WDR70: variants seen among roughly 807,000 people sequenced by gnomAD.
The protein encoded by WDR70 is WD repeat-containing protein 70.
A neutral mutation model predicts 88.6 loss-of-function variants in WDR70; 53 were observed. That is an observed-to-expected ratio of 0.60 (90% CI 0.48 to 0.75). The LOEUF (loss-of-function observed/expected upper bound fraction) is 0.75. WDR70 is among the 30% of genes least tolerant of loss of function. The pLI is 0.00. For missense variants in WDR70, 610 were observed against 823.2 expected, an observed-to-expected ratio of 0.74 and a Z score of 3.17; for synonymous variants, 280 against 270.0, an observed-to-expected ratio of 1.04 and a Z score of -0.36.
intron 5 of WDR70, among the ~76,000 whole-genome samples, chr5:37,396,868 T>TAC (rs1281603309): frequency 6.6e-6 from 1 of 152,130 alleles, no homozygotes; most frequent in Non-Finnish European, 1.5e-5. Context: ...AAAAGGCCGG[T>TAC]ACAGTGGCTC....
intron 9 of WDR70, among the ~76,000 whole-genome samples, chr5:37,557,901 A>ATACTCTTTTGAATCCTCTTCAAAAGAG (rs1561900701): frequency 3.2e-5 from 1 of 30,806 alleles, no homozygotes; most frequent in Non-Finnish European, 6.7e-5. Context: ...CTTCAGATTT[A>ATACTCTTTTGAATCCTCTTCAAAAGAG]TACTCTTTTG....
chr5:37,521,934 T>C (rs1741106054), intron 9 of WDR70, among the ~76,000 whole-genome samples: 1 of 152,216 alleles, frequency 6.6e-6, no homozygotes, highest in Admixed American at 6.5e-5. Flanking sequence ...TTTTAGTTCT[T>C]TAAGTAATCT....
chr5:37,626,190 G>C (rs190963678), intron 10 of WDR70, among the ~76,000 whole-genome samples: 90 of 152,170 alleles, frequency 5.9e-4, no homozygotes, highest in South Asian at 1.2e-3. Context: ...GGGAGTCTTT[G>C]TCTTGTTCTA....
chr5:37,574,031 G>A (rs180982207), intron 9 of WDR70, among the ~76,000 whole-genome samples: 34 of 152,292 alleles, frequency 2.2e-4, no homozygotes, highest in African/African-American at 7.9e-4. Context: ...TACAAGAGGA[G>A]CAAAGCAAGA....
chr5:37,485,479 G>A (rs1015110195), intron 8 of WDR70, among the ~76,000 whole-genome samples: 3 of 152,004 alleles, frequency 2.0e-5, no homozygotes, highest in Admixed American at 6.6e-5. Flanking sequence ...TGTACTGTTT[G>A]TTGGTTGTTT....
intron 7 of WDR70, among the ~76,000 whole-genome samples, chr5:37,461,544 C>T (rs563285103): frequency 1.3e-5 from 2 of 152,050 alleles, no homozygotes; most frequent in Admixed American, 1.3e-4. Flanking sequence ...AGTGCAGTGG[C>T]GCCATCTCCG....
At chr5:37,557,228 A>T (rs1037023564) in intron 9 of WDR70, among the ~76,000 whole-genome samples, 5 of 129,288 alleles carry the variant, frequency 3.9e-5, no homozygotes, top group African/African-American at 1.9e-4. Flanking sequence ...TCATTTAAAA[A>T]AATGAAAAAA....
chr5:37,712,491 C>A (rs1747542032), intron 13 of WDR70, among the ~76,000 whole-genome samples: 1 of 152,092 alleles, frequency 6.6e-6, no homozygotes, highest in Non-Finnish European at 1.5e-5. Context: ...GGTTGTTACA[C>A]TGTTAATGAA....
intron 9 of WDR70, among the ~76,000 whole-genome samples, chr5:37,594,655 G>GT (rs1209377339): frequency 1.8e-4 from 28 of 151,368 alleles, no homozygotes; most frequent in Admixed American, 7.9e-4. Context: ...ATAAACTTTA[G>GT]TTTTTTCCAA....
chr5:37,563,559 ACCCC>A (rs1375432573), intron 9 of WDR70, among the ~76,000 whole-genome samples: 2 of 31,362 alleles, frequency 6.4e-5, no homozygotes, highest in African/African-American at 1.1e-4. Context: ...CGGGGGGCTG[ACCCC>A]CCCCCACCTC....
intron 10 of WDR70, among the ~76,000 whole-genome samples, chr5:37,684,582 C>T (rs768610028): frequency 3.3e-5 from 5 of 152,218 alleles, no homozygotes; most frequent in Non-Finnish European, 4.4e-5. Context: ...CTCCCACTCC[C>T]GACTCCCGGA....
Position 37,407,246 on chromosome 5 carries a change from G to A in WDR70, c.492+10676G>A, listed in dbSNP as rs140447931. Among the ~76,000 whole-genome samples, 718 of 152,222 alleles carry A rather than the reference G, an allele frequency of 4.7e-3. 3 individuals carry two copies. The highest frequency in any genetic ancestry group is 0.016 in the African/African-American group (655 of 41,532). The stretch of plus-strand genomic sequence containing the variant: ...ACATAACATTTAAGTAAGTCAGGCC[G>A]GTGTAGTGTTTACACCTGTAATCCC... On this transcript the variant is annotated intron_variant, in intron 5 of 17. Transcript: ENST00000265107.
intron 10 of WDR70, among the ~76,000 whole-genome samples, chr5:37,620,399 C>G (rs1391252102): frequency 6.6e-6 from 1 of 152,028 alleles, no homozygotes; most frequent in East Asian, 1.9e-4. Context: ...AGGTAGTAAC[C>G]CTGTTTTATT....
At chr5:37,587,045 T>C (rs1032081579) in intron 9 of WDR70, among the ~76,000 whole-genome samples, 2 of 152,190 alleles carry the variant, frequency 1.3e-5, no homozygotes, top group Admixed American at 6.5e-5. Context: ...TCACTTTCCC[T>C]GTTCCATTGC....
intron 10 of WDR70, among the ~76,000 whole-genome samples, chr5:37,676,948 C>T (rs1407995093): frequency 6.6e-6 from 1 of 152,102 alleles, no homozygotes; most frequent in East Asian, 1.9e-4. Context: ...CAGCTTCTTC[C>T]TGGTTTAGTC....
intron 17 of WDR70, among the ~76,000 whole-genome samples, chr5:37,743,761 T>C (rs762437038): frequency 6.6e-6 from 1 of 152,170 alleles, no homozygotes; most frequent in South Asian, 2.1e-4. Flanking sequence ...AGGGACAGAA[T>C]TGGGATCTCC....
At chr5:37,579,851 A>G (rs1023547303) in intron 9 of WDR70, among the ~76,000 whole-genome samples, 1 of 151,740 alleles carries the variant, frequency 6.6e-6, no homozygotes, top group Admixed American at 6.6e-5. Flanking sequence ...GATCATTTCC[A>G]CCTTCTCTTC....
At chr5:37,418,190 T>C (rs1415533188) in intron 5 of WDR70, among the ~76,000 whole-genome samples, 1 of 151,414 alleles carries the variant, frequency 6.6e-6, no homozygotes, top group East Asian at 1.9e-4. Flanking sequence ...TGTTATGACT[T>C]AAATTTTGAA....
chr5:37,592,484 G>T (rs1437627179), intron 9 of WDR70, among the ~76,000 whole-genome samples: 18 of 152,144 alleles, frequency 1.2e-4, no homozygotes, highest in Admixed American at 1.2e-3. Flanking sequence ...CAGGTTAACT[G>T]CGCAGCACAG....
Sources: allele counts gnomAD v4.1 joint callset (sites outside exome capture counted in the v4.1 genomes callset), GRCh38; gene constraint gnomAD v4.1.1; transcripts MANE v1.5; gene names NCBI Gene and HGNC (gene_info 2026-07-23, HGNC 2026-07-21).